The following GRM1 variants were observed in gnomAD, a reference collection of about 807,000 sequenced individuals.
The protein encoded by GRM1 is glutamate metabotropic receptor 1.
A neutral mutation model predicts 90.9 loss-of-function variants in GRM1; 33 were observed. The ratio of observed to expected loss-of-function variants is 0.36; its 90% CI spans 0.28 to 0.49. The LOEUF is 0.49. GRM1 is among the 20% of genes least tolerant of loss of function. GRM1 has a pLI of 0.99. For synonymous variants in GRM1, 700 were observed against 613.2 expected, an observed-to-expected ratio of 1.14 and a Z score of -2.09; for missense variants, 1,190 against 1,534.3, an observed-to-expected ratio of 0.78 and a Z score of 3.75.
intron 2 of GRM1, among the ~76,000 whole-genome samples, chr6:146,198,830 A>G (rs1470571430): frequency 7.9e-5 from 12 of 152,208 alleles, no homozygotes; most frequent in Admixed American, 7.9e-4. Flanking sequence ...CCAGGAACCC[A>G]GCCAATTCCT....
At chr6:146,233,468 A>G (rs914502048) in intron 2 of GRM1, among the ~76,000 whole-genome samples, 23 of 152,048 alleles carry the variant, frequency 1.5e-4, no homozygotes, top group African/African-American at 4.6e-4. Flanking sequence ...CGGTGTTCTC[A>G]TATGTCCTAT....
intron 2 of GRM1, among the ~76,000 whole-genome samples, chr6:146,194,934 C>A (rs1284756974): frequency 6.6e-6 from 1 of 152,140 alleles, no homozygotes; most frequent in Non-Finnish European, 1.5e-5. Flanking sequence ...TGTTACCTAA[C>A]CTCTCTGTGA....
chr6:146,259,972 A>G, intron 2 of GRM1, among the ~76,000 whole-genome samples: 1 of 148,062 alleles, frequency 6.8e-6, no homozygotes, highest in Non-Finnish European at 1.5e-5. Flanking sequence ...ATATATATAT[A>G]TTTATATATA....
chr6:146,115,469 T>G (rs575095141), intron 1 of GRM1, among the ~76,000 whole-genome samples: 296 of 152,278 alleles, frequency 1.9e-3, no homozygotes, highest in African/African-American at 6.0e-3. Flanking sequence ...TATTCAATAT[T>G]TCTTGATTAA....
intron 3 of GRM1, among the ~76,000 whole-genome samples, chr6:146,334,278 G>A (rs1784689307): frequency 6.6e-6 from 1 of 152,186 alleles, no homozygotes; most frequent in Non-Finnish European, 1.5e-5. Flanking sequence ...AGCAGAACCT[G>A]GCAGCCTACT....
intron 2 of GRM1, among the ~76,000 whole-genome samples, chr6:146,267,640 G>A (rs1202417776): frequency 1.5e-5 from 2 of 129,650 alleles, no homozygotes; most frequent in East Asian, 4.5e-4. Context: ...GGGCTGGGCT[G>A]CGCTGGGCTG....
intron 2 of GRM1, among the ~76,000 whole-genome samples, chr6:146,300,632 G>A (rs967825168): frequency 6.6e-6 from 1 of 152,190 alleles, no homozygotes; most frequent in Non-Finnish European, 1.5e-5. Flanking sequence ...GCTAGAAAAC[G>A]GAACTCATAA....
At chr6:146,070,109 C>T (rs2128858170) in intron 1 of GRM1, among the ~76,000 whole-genome samples, 1 of 152,276 alleles carries the variant, frequency 6.6e-6, no homozygotes, top group Admixed American at 6.5e-5. Flanking sequence ...CCTTGGGAAG[C>T]ATAAATCTCA....
chr6:146,362,746 G>A (rs1775537568), intron 5 of GRM1, among the ~76,000 whole-genome samples: 1 of 150,096 alleles, frequency 6.7e-6, no homozygotes, highest in Non-Finnish European at 1.5e-5. Flanking sequence ...CATCTTAAAA[G>A]GCATTAGAAA....
chr6:146,257,395 A>G (rs1781520259), intron 2 of GRM1, among the ~76,000 whole-genome samples: 1 of 152,012 alleles, frequency 6.6e-6, no homozygotes, highest in African/African-American at 2.4e-5. Flanking sequence ...GTATTTTATG[A>G]TTTAAATTGA....
Position 146,196,282 on chromosome 6 carries a change from G to T in GRM1, c.950+36685G>T, listed in dbSNP as rs568778693. 3.2e-4 allele frequency among the ~76,000 whole-genome samples: 48 copies of T among 148,162 alleles called. No individual in the cohort carries two copies. In the South Asian group the frequency reaches 4.8e-3, roughly 15 times the overall value. On this transcript the variant is annotated intron_variant, in intron 2 of 7. Coordinates refer to ENST00000282753, the MANE Select transcript of GRM1 (RefSeq NM_001278064.2). The stretch of plus-strand genomic sequence containing the variant: ...CAAAGAGACTATTTCCATTTATCTA[G>T]TGCAGTGGATTTTTTTTTTTTTTTT...
intron 2 of GRM1, among the ~76,000 whole-genome samples, chr6:146,282,655 C>T (rs927103040): frequency 6.6e-6 from 1 of 151,878 alleles, no homozygotes; most frequent in African/African-American, 2.4e-5. Flanking sequence ...GGCCAGAGTG[C>T]CTGATGTGTA....
At chr6:146,324,199 G>A (rs971799003) in intron 3 of GRM1, among the ~76,000 whole-genome samples, 1 of 152,114 alleles carries the variant, frequency 6.6e-6, no homozygotes, top group African/African-American at 2.4e-5. Context: ...ACTGGGAGGG[G>A]AAAACCACCT....
intron 4 of GRM1, among the ~76,000 whole-genome samples, chr6:146,355,869 A>G (rs1383191353): frequency 1.3e-5 from 2 of 152,124 alleles, no homozygotes; most frequent in East Asian, 1.9e-4. Flanking sequence ...GAAGAAGAGT[A>G]TGTGTTGATT....
At chr6:146,140,652 A>G (rs559500181) in intron 1 of GRM1, among the ~76,000 whole-genome samples, 1 of 152,350 alleles carries the variant, frequency 6.6e-6, no homozygotes, top group Non-Finnish European at 1.5e-5. Context: ...ATGAAAACTT[A>G]ACACTGATTG....
At chr6:146,215,648 A>T (rs570370730) in intron 2 of GRM1, among the ~76,000 whole-genome samples, 2 of 136,788 alleles carry the variant, frequency 1.5e-5, no homozygotes, top group East Asian at 3.9e-4. Context: ...AAAAATTAAC[A>T]TCACCACCAA....
At chr6:146,212,268 C>T (rs991292190) in intron 2 of GRM1, among the ~76,000 whole-genome samples, 1 of 152,160 alleles carries the variant, frequency 6.6e-6, no homozygotes, top group Non-Finnish European at 1.5e-5. Flanking sequence ...ATCTGAAGAC[C>T]ATCACAACAT....
At position 146,034,525 on chromosome 6, in the gene GRM1, T is replaced by G. The variant is rs577779153; in HGVS notation, c.700+4308T>G. On this transcript the variant is annotated intron_variant, in intron 1 of 7. Coordinates refer to ENST00000282753, the MANE Select transcript of GRM1 (RefSeq NM_001278064.2). ...TTAGATTCAAGAGGAGGACTTGAAT[T>G]TTTTCCCTTTAAATGTAAAATTATT... 9.2e-5 allele frequency among the ~76,000 whole-genome samples: 14 copies of G among 152,110 alleles called. No homozygotes were observed. In the East Asian group the frequency reaches 2.3e-3, roughly 25 times the overall value.
At chr6:146,182,390 C>T (rs928835325) in intron 2 of GRM1, among the ~76,000 whole-genome samples, 6 of 152,054 alleles carry the variant, frequency 3.9e-5, no homozygotes, top group African/African-American at 1.4e-4. Flanking sequence ...GTCTTGATTG[C>T]AAGAAATTAT....
Sources: gnomAD v4.1 joint callset for allele counts (sites outside exome capture counted in the v4.1 genomes callset) on GRCh38, gnomAD v4.1.1 for gene constraint, MANE v1.5 for transcripts, NCBI Gene and HGNC (gene_info 2026-07-23, HGNC 2026-07-21) for gene names.